The following SCARA3 variants were observed in gnomAD, a reference collection of about 807,000 sequenced individuals.
SCARA3 encodes the protein scavenger receptor class A member 3.
Under a neutral mutation model 47.0 loss-of-function variants are expected in SCARA3, and 39 were observed. That is an observed-to-expected ratio of 0.83 (90% CI 0.64 to 1.08). The LOEUF is 1.08. Among genes scored for constraint, SCARA3 ranks in the 50% least tolerant of loss-of-function variants. The pLI, the probability that SCARA3 is intolerant of heterozygous loss-of-function variation, is 0.00. For synonymous variants in SCARA3, 356 were observed against 334.1 expected, an observed-to-expected ratio of 1.07 and a Z score of -0.71; for missense variants, 724 against 792.3, an observed-to-expected ratio of 0.91 and a Z score of 1.04.
At chr8:27,667,438 A>T (rs1219204894) in intron 5 of SCARA3, among the ~76,000 whole-genome samples, 1 of 152,146 alleles carries the variant, frequency 6.6e-6, no homozygotes, top group Non-Finnish European at 1.5e-5. Flanking sequence ...TCCTCCAGGC[A>T]GTGCCTAGGA....
chr8:27,634,153 T>C lies in SCARA3; in HGVS notation c.-48T>C. 1 of 1,451,168 alleles carries C rather than the reference T, an allele frequency of 6.9e-7. No individual in the cohort carries two copies. Among genetic ancestry groups the C allele is most frequent in the Non-Finnish European group, 9.0e-7 (1 of 1,106,922 alleles). The allele number at this position is 1,451,168 out of a possible 1,614,324, so 89.9% of individuals were successfully genotyped here. A position where few individuals can be genotyped will look rare whatever the true frequency, so the allele number is the denominator to read the frequency against. The stretch of plus-strand genomic sequence containing the variant: ...GCCGGCCGCCCGGCTCCACTACAGC[T>C]CCAGCCGCCTGCAGCGGGGCCCTCC... On this transcript the variant is annotated 5_prime_UTR_variant, in exon 1 of 6. Transcript: ENST00000301904.
chr8:27,728,228 C>T, the SCARA3 span, among the ~76,000 whole-genome samples: 1 of 152,162 alleles, frequency 6.6e-6, no homozygotes, highest in African/African-American at 2.4e-5. Context: ...GCAAAGTGGG[C>T]TCAAGTCTCA....
chr8:27,658,948 C>T lies in SCARA3; in HGVS notation c.778C>T (p.Arg260Trp), dbSNP rs147727919. Residue 260 changes from arginine to tryptophan, a missense_variant, in exon 5 of 6, where the codon CGG (arginine) becomes TGG (tryptophan). By Grantham distance (101) the Arg-to-Trp change is moderately radical. Coordinates refer to ENST00000301904, the MANE Select transcript of SCARA3 (RefSeq NM_016240.3). Reference protein sequence around the residue: ...KIVTDWQNYTRLFSGLRTTST... With the variant: ...KIVTDWQNYTWLFSGLRTTST... ...TGTCACCGACTGGCAGAACTACACA[C>T]GGCTCTTCAGCGGCCTGCGCACCAC... The T allele has an allele frequency of 1.4e-5, 23 of 1,614,194 alleles. No individual in the cohort carries two copies. Among genetic ancestry groups the T allele is most frequent in the Non-Finnish European group, 1.9e-5 (23 of 1,180,040 alleles).
At chr8:27,637,427 C>T (rs1435013110) in intron 1 of SCARA3, among the ~76,000 whole-genome samples, 1 of 152,216 alleles carries the variant, frequency 6.6e-6, no homozygotes, top group Admixed American at 6.5e-5. Context: ...CCAAGATGCC[C>T]AAGACACAGG....
chr8:27,700,204 T>A, the SCARA3 span, among the ~76,000 whole-genome samples: 2 of 152,008 alleles, frequency 1.3e-5, no homozygotes, highest in Non-Finnish European at 2.9e-5. Flanking sequence ...AATATCCCTT[T>A]AAGAACATGA....
the SCARA3 span, among the ~76,000 whole-genome samples, chr8:27,730,913 T>A: frequency 2.0e-5 from 3 of 151,544 alleles, no homozygotes; most frequent in African/African-American, 7.3e-5. Flanking sequence ...TGTAAATTTT[T>A]AAAAAATTAA....
the SCARA3 span, among the ~76,000 whole-genome samples, chr8:27,732,157 T>C: frequency 6.6e-6 from 1 of 152,202 alleles, no homozygotes; most frequent in East Asian, 1.9e-4. Flanking sequence ...GCCATTTGTC[T>C]TATATTTTCA....
chr8:27,714,182 C>T, the SCARA3 span, among the ~76,000 whole-genome samples: 1 of 143,296 alleles, frequency 7.0e-6, no homozygotes, highest in Non-Finnish European at 1.5e-5. Flanking sequence ...ATTACCCAGT[C>T]TCAGGTATTC....
intron 3 of SCARA3, among the ~76,000 whole-genome samples, chr8:27,656,246 C>G (rs931811971): frequency 6.6e-6 from 1 of 152,162 alleles, no homozygotes; most frequent in African/African-American, 2.4e-5. Context: ...TGTTGTTAGT[C>G]TCTTACTAGG....
At chr8:27,676,656 T>A (rs1047133949), downstream of SCARA3, 1 of 1,064,372 alleles carries the variant, frequency 9.4e-7, no homozygotes, top group African/African-American at 1.6e-5. Flanking sequence ...AAAATGAATT[T>A]GTTTACTATC....
chr8:27,657,563 C>T (rs1319424528), intron 4 of SCARA3, among the ~76,000 whole-genome samples: 15 of 120,852 alleles, frequency 1.2e-4, no homozygotes, highest in East Asian at 2.4e-4. Context: ...TTTTTTGAGA[C>T]GGAGTCTCAC....
downstream of SCARA3, among the ~76,000 whole-genome samples, chr8:27,676,048 GTGTGTT>G (rs2128925092): frequency 1.3e-5 from 2 of 152,332 alleles, no homozygotes; most frequent in African/African-American, 4.8e-5. Flanking sequence ...CACAAGCAAA[GTGTGTT>G]TGCATTTTAT....
rs944279418 is a variant in SCARA3, at chr8:27,657,731, G to A, written c.326-765G>A. On this transcript the variant is annotated intron_variant, in intron 4 of 5. Transcript: ENST00000301904. ...AATTTTTTGTATTTTTAGTAGAGAT[G>A]GGGTTTCACTGTGTTAGCCAGGATG... 4.0e-5 allele frequency among the ~76,000 whole-genome samples: 6 copies of A among 151,388 alleles called. No homozygotes were observed. The East Asian group carries it at 9.8e-4, about 25-fold the overall frequency.
chr8:27,715,089 T>C, the SCARA3 span, among the ~76,000 whole-genome samples: 1 of 151,896 alleles, frequency 6.6e-6, no homozygotes, highest in Non-Finnish European at 1.5e-5. This position sits in a 1 kb window ranked among gnomAD's most constrained non-coding sequence, Gnocchi z 4.2. Flanking sequence ...CTGGCTAAAT[T>C]TTTTGTTTTT....
At chr8:27,662,924 A>C (rs1458551979) in intron 5 of SCARA3, among the ~76,000 whole-genome samples, 1 of 152,198 alleles carries the variant, frequency 6.6e-6, no homozygotes, top group African/African-American at 2.4e-5. Context: ...CTGATTATTA[A>C]ATCCTCCCCT....
the SCARA3 span, among the ~76,000 whole-genome samples, chr8:27,694,158 C>T: frequency 6.6e-6 from 1 of 152,156 alleles, no homozygotes; most frequent in Non-Finnish European, 1.5e-5. Context: ...GGACATGTTG[C>T]CTTTGCCTCA....
intron 1 of SCARA3, among the ~76,000 whole-genome samples, chr8:27,636,739 G>A (rs1301459414): frequency 1.3e-5 from 2 of 152,186 alleles, no homozygotes; most frequent in Admixed American, 1.3e-4. Flanking sequence ...ACCCCTCAGT[G>A]ATCTCCCATA....
chr8:27,691,079 A>G, the SCARA3 span, among the ~76,000 whole-genome samples: 1 of 152,248 alleles, frequency 6.6e-6, no homozygotes, highest in Admixed American at 6.5e-5. Flanking sequence ...ACTGAAGATC[A>G]GATATAGAAG....
chr8:27,651,660 G>C, intron 3 of SCARA3, 33 bp downstream of exon 3: 1 of 1,607,682 alleles, frequency 6.2e-7, no homozygotes, highest in East Asian at 2.2e-5. Context: ...CCGGGCTGCA[G>C]GGGGGTGTCT....
Sources: gnomAD v4.1 joint callset for allele counts (sites outside exome capture counted in the v4.1 genomes callset) on GRCh38, gnomAD v4.1.1 for gene constraint, Gnocchi (gnomAD v3.1) non-coding constraint, MANE v1.5 for transcripts, NCBI Gene and HGNC (gene_info 2026-07-23, HGNC 2026-07-21) for gene names.